The following DMD variants were observed in gnomAD, a reference collection of about 807,000 sequenced individuals.
The protein encoded by DMD is dystrophin.
Under a neutral mutation model 330.1 loss-of-function variants are expected in DMD, and 63 were observed. The ratio of observed to expected loss-of-function variants is 0.19; its 90% CI spans 0.16 to 0.24. The LOEUF (loss-of-function observed/expected upper bound fraction) is 0.24, where lower values mean the gene tolerates loss of function less well. Among genes scored for constraint, DMD ranks in the 10% least tolerant of loss-of-function variants. DMD has a pLI of 1.00. For missense variants in DMD, 3,344 were observed against 2,684.1 expected, an observed-to-expected ratio of 1.25 and a Z score of -5.43; for synonymous variants, 1,223 against 959.8, an observed-to-expected ratio of 1.27 and a Z score of -5.07.
At position 31,721,644 on chromosome X, in the gene DMD, TTATA is replaced by T. The variant is rs1342244146; in HGVS notation, c.7660+7983_7660+7986del. Among the ~76,000 whole-genome samples, 15 of 95,517 alleles carry T rather than the reference TTATA, an allele frequency of 1.6e-4. No homozygotes were observed. The South Asian group carries it at 7.9e-3, about 50-fold the overall frequency. The allele number at this position is 95,517 out of a possible 115,157, so 82.9% of individuals were successfully genotyped here. A position where few individuals can be genotyped will look rare whatever the true frequency, so the allele number is the denominator to read the frequency against. On this transcript the variant is annotated intron_variant, in intron 52 of 78. Coordinates refer to ENST00000357033, the MANE Select transcript of DMD (RefSeq NM_004006.3). The stretch of plus-strand genomic sequence containing the variant: ...GTATGTGTGTATATATATAATATTA[TTATA>T]TATATTAGTATTATTACCAATCTCT...
intron 47 of DMD, among the ~76,000 whole-genome samples, chrX:31,909,518 GAA>G (rs775462001): frequency 0.12 from 6,689 of 55,961 alleles, 688 homozygotes; most frequent in African/African-American, 0.35. Flanking sequence ...AGAGAAATGT[GAA>G]AAAAAAAAAA....
intron 22 of DMD, among the ~76,000 whole-genome samples, chrX:32,471,670 G>C (rs2040643814): frequency 8.9e-6 from 1 of 111,737 alleles, no homozygotes; most frequent in East Asian, 2.8e-4. Context: ...GTATATGGGA[G>C]CATGTTCATA....
chrX:32,464,687 T>C lies in DMD; in HGVS notation c.3175A>G (p.Thr1059Ala), dbSNP rs763548540. Residue 1059 changes from threonine to alanine, a missense_variant, in exon 24 of 79, where the codon ACC (threonine) becomes GCC (alanine). Coordinates refer to ENST00000357033, the MANE Select transcript of DMD (RefSeq NM_004006.3). ...KLRKIQNHIQ[T>A]LKKWMAEVDV... is the part of the protein sequence containing the mutation. ...ACTTCAGCCATCCATTTCTTCAGGG[T>C]TTGTATGTGATTCTGAAACGAGACC... 8.4e-6 allele frequency: 10 copies of C among 1,194,902 alleles called. No individual in the cohort carries two copies. Among genetic ancestry groups the C allele is most frequent in the African/African-American group, 1.8e-5 (1 of 56,685 alleles).
intron 59 of DMD, among the ~76,000 whole-genome samples, chrX:31,476,299 G>A (rs184673300): frequency 9.6e-6 from 1 of 104,539 alleles, no homozygotes; most frequent in Non-Finnish European, 1.9e-5. Context: ...TGCAAAGGCA[G>A]ATATATCTAT....
At chrX:32,781,501 G>T (rs761791846) in intron 7 of DMD, among the ~76,000 whole-genome samples, 1 of 111,225 alleles carries the variant, frequency 9.0e-6, no homozygotes, top group East Asian at 2.9e-4. Flanking sequence ...TCATTTTCTT[G>T]CATTCTCATA....
intron 41 of DMD, among the ~76,000 whole-genome samples, chrX:32,334,968 CCA>C (rs1177669460): frequency 9.0e-6 from 1 of 111,137 alleles, no homozygotes; most frequent in Non-Finnish European, 1.9e-5. Context: ...TTGGCGTCTT[CCA>C]TTTCTCAGAT....
At chrX:32,389,922 A>G (rs1416765433) in intron 31 of DMD, 149 bp downstream of exon 31, 15 of 529,971 alleles carry the variant, frequency 2.8e-5, no homozygotes, top group Non-Finnish European at 4.7e-5. Flanking sequence ...TAAAATGTAG[A>G]GAGCAAAACA....
chrX:31,906,449 A>C (rs1021326789), intron 47 of DMD, among the ~76,000 whole-genome samples: 7 of 112,255 alleles, frequency 6.2e-5, no homozygotes, highest in African/African-American at 1.9e-4. Context: ...GTCCCATTGA[A>C]TTGTGAAATT....
At chrX:31,539,961 G>T (rs1210081617) in intron 55 of DMD, among the ~76,000 whole-genome samples, 2 of 111,436 alleles carry the variant, frequency 1.8e-5, no homozygotes, top group African/African-American at 3.3e-5. Context: ...GAACTTCTTA[G>T]GGGTGGGAGG....
At chrX:31,995,962 T>C (rs1224672298) in intron 44 of DMD, among the ~76,000 whole-genome samples, 1 of 112,182 alleles carries the variant, frequency 8.9e-6, no homozygotes, top group Non-Finnish European at 1.9e-5. Flanking sequence ...TGATCACTAT[T>C]TCTTGCATGT....
intron 18 of DMD, among the ~76,000 whole-genome samples, chrX:32,504,058 A>C (rs1338664454): frequency 9.0e-6 from 1 of 111,681 alleles, no homozygotes; most frequent in Non-Finnish European, 1.9e-5. Context: ...ATTTTTGGCA[A>C]AGGAACCAAG....
chrX:32,424,534 T>C (rs1460944219), intron 29 of DMD, among the ~76,000 whole-genome samples: 4 of 111,864 alleles, frequency 3.6e-5, no homozygotes, highest in Non-Finnish European at 5.6e-5. Flanking sequence ...ATGTATAAGA[T>C]GACACCCGAA....
intron 1 of DMD, among the ~76,000 whole-genome samples, chrX:33,329,172 A>G (rs2054133845): frequency 8.9e-6 from 1 of 112,021 alleles, no homozygotes; most frequent in African/African-American, 3.2e-5. Context: ...AATAAACACA[A>G]AAAATGGTTC....
intron 44 of DMD, among the ~76,000 whole-genome samples, chrX:32,139,283 A>G (rs915232499): frequency 4.5e-5 from 5 of 112,130 alleles, no homozygotes; most frequent in African/African-American, 6.5e-5. Context: ...CTCAGTCAAT[A>G]TATTTATAGA....
intron 13 of DMD, among the ~76,000 whole-genome samples, chrX:32,585,930 C>A (rs975356554): frequency 2.7e-5 from 3 of 109,259 alleles, no homozygotes; most frequent in Non-Finnish European, 5.7e-5. Flanking sequence ...CTACCTAACA[C>A]CCTATTGGCC....
At chrX:32,819,072 G>A (rs1041001387) in intron 5 of DMD, among the ~76,000 whole-genome samples, 7 of 93,917 alleles carry the variant, frequency 7.5e-5, no homozygotes, top group Admixed American at 1.3e-4. Flanking sequence ...ACTCAACTCC[G>A]AAGTCTACTC....
At chrX:32,227,601 A>G (rs1371921684) in intron 43 of DMD, among the ~76,000 whole-genome samples, 1 of 108,885 alleles carries the variant, frequency 9.2e-6, no homozygotes, top group Non-Finnish European at 1.9e-5. Flanking sequence ...AAATTGCTTA[A>G]TGGAGAAAAG....
chrX:32,855,548 G>T (rs769798714), intron 2 of DMD, among the ~76,000 whole-genome samples: 25 of 111,788 alleles, frequency 2.2e-4, no homozygotes, highest in African/African-American at 7.5e-4. Context: ...AAGGTGCCAA[G>T]AACATACACT....
intron 37 of DMD, among the ~76,000 whole-genome samples, chrX:32,359,168 A>T (rs1352504790): frequency 8.9e-6 from 1 of 111,876 alleles, no homozygotes; most frequent in South Asian, 3.7e-4. Flanking sequence ...TGGACAGTCA[A>T]GTCCTCAGCC....
Sources: allele counts gnomAD v4.1 joint callset (sites outside exome capture counted in the v4.1 genomes callset), GRCh38; gene constraint gnomAD v4.1.1; transcripts MANE v1.5; gene names NCBI Gene and HGNC (gene_info 2026-07-23, HGNC 2026-07-21).